XKR4: variants seen among roughly 807,000 people sequenced by gnomAD.
The protein encoded by XKR4 is XK related 4.
Under a neutral mutation model 53.9 loss-of-function variants are expected in XKR4, and 12 were observed. That is an observed-to-expected ratio of 0.22 (90% CI 0.14 to 0.36). The LOEUF is 0.36. Among genes scored for constraint, XKR4 ranks in the 10% least tolerant of loss-of-function variants. XKR4 has a pLI of 1.00. For missense variants in XKR4, 799 were observed against 859.5 expected, an observed-to-expected ratio of 0.93 and a Z score of 0.88; for synonymous variants, 354 against 362.4, an observed-to-expected ratio of 0.98 and a Z score of 0.26.
intron 2 of XKR4, among the ~76,000 whole-genome samples, chr8:55,395,087 A>C (rs2622543): frequency 0.68 from 103,497 of 151,950 alleles, 36,203 homozygotes; most frequent in African/African-American, 0.84. Flanking sequence ...AGGTAATGAG[A>C]CCTCTTGAAT....
At chr8:55,234,835 G>A (rs993027683) in intron 1 of XKR4, among the ~76,000 whole-genome samples, 1 of 152,122 alleles carries the variant, frequency 6.6e-6, no homozygotes, top group Non-Finnish European at 1.5e-5. Context: ...AGGACATAGC[G>A]CAGACCCCTA....
Position 55,337,213 on chromosome 8 carries a change from T to C in XKR4, c.807-20465T>C, listed in dbSNP as rs967128196. Among the ~76,000 whole-genome samples the C allele has an allele frequency of 3.3e-5, 5 of 152,134 alleles. No individual in the cohort carries two copies. The East Asian group carries it at 5.8e-4, about 18-fold the overall frequency. On this transcript the variant is annotated intron_variant, in intron 1 of 2. Transcript: ENST00000327381. ...CCTAGTGTCTCCTACTACCAAAATT[T>C]GCCTTTTATCAGAAAAGAAATTATA...
At chr8:55,197,208 C>A (rs151154202) in intron 1 of XKR4, among the ~76,000 whole-genome samples, 8 of 152,136 alleles carry the variant, frequency 5.3e-5, no homozygotes, top group Non-Finnish European at 1.2e-4. Context: ...GCTCAACAAT[C>A]GTCTCAGCCA....
chr8:55,518,554 A>G (rs752342849), intron 2 of XKR4, among the ~76,000 whole-genome samples: 3 of 152,240 alleles, frequency 2.0e-5, no homozygotes, highest in Non-Finnish European at 4.4e-5. Flanking sequence ...AGTGGGATCC[A>G]TGCTCTTAAG....
chr8:55,477,860 G>C (rs537394270), intron 2 of XKR4, among the ~76,000 whole-genome samples: 1 of 152,036 alleles, frequency 6.6e-6, no homozygotes, highest in Admixed American at 6.6e-5. Flanking sequence ...AGAGAAAAAA[G>C]AATACAAAGA....
intron 1 of XKR4, among the ~76,000 whole-genome samples, chr8:55,139,659 A>C (rs1439630377): frequency 7.1e-6 from 1 of 141,542 alleles, no homozygotes; most frequent in African/African-American, 2.6e-5. Flanking sequence ...AATGTTAAAA[A>C]GAGAATAGTA....
At chr8:55,168,379 A>C (rs1046103196) in intron 1 of XKR4, among the ~76,000 whole-genome samples, 1 of 152,154 alleles carries the variant, frequency 6.6e-6, no homozygotes, top group South Asian at 2.1e-4. Flanking sequence ...TCATCTGTCA[A>C]ATCCTTCATC....
intron 1 of XKR4, among the ~76,000 whole-genome samples, chr8:55,155,937 TAAA>T (rs1816901194): frequency 6.6e-6 from 1 of 152,098 alleles, no homozygotes; most frequent in African/African-American, 2.4e-5. Flanking sequence ...AAGAGCAAAA[TAAA>T]GACACTTTCA....
rs139765256 is a variant in XKR4 at position 55,392,935 on chromosome 8, A to G, written c.1006+35058A>G. On this transcript the variant is annotated intron_variant, in intron 2 of 2. Coordinates refer to ENST00000327381, the MANE Select transcript of XKR4 (RefSeq NM_052898.2). ...ATTAAAAGTTAAGAAGTAAGCATTTATCTTGCCTTTCCTGTAAGCACTGAA... is the reference window on the plus strand; with the variant it reads ...ATTAAAAGTTAAGAAGTAAGCATTTGTCTTGCCTTTCCTGTAAGCACTGAA... 1.2e-4 allele frequency among the ~76,000 whole-genome samples: 18 copies of G among 152,300 alleles called. No homozygotes were observed. In the East Asian group the frequency reaches 3.5e-3, roughly 29 times the overall value.
chr8:55,350,392 GACCCATC>G (rs1338096483), intron 1 of XKR4, among the ~76,000 whole-genome samples: 2 of 152,074 alleles, frequency 1.3e-5, no homozygotes, highest in Non-Finnish European at 2.9e-5. Context: ...TTGTAAGCTG[GACCCATC>G]AAGGAGTTGC....
At chr8:55,114,936 A>T (rs1352021105) in intron 1 of XKR4, among the ~76,000 whole-genome samples, 1 of 152,164 alleles carries the variant, frequency 6.6e-6, no homozygotes, top group Non-Finnish European at 1.5e-5. Flanking sequence ...CAAAAAGTCT[A>T]CTCACTAGGA....
At chr8:55,272,315 T>C (rs1818703219) in intron 1 of XKR4, among the ~76,000 whole-genome samples, 1 of 152,080 alleles carries the variant, frequency 6.6e-6, no homozygotes, top group South Asian at 2.1e-4. Context: ...TAACAAGCAA[T>C]TGGATAATAA....
At chr8:55,475,497 G>A (rs1024664350) in intron 2 of XKR4, among the ~76,000 whole-genome samples, 3 of 151,950 alleles carry the variant, frequency 2.0e-5, no homozygotes, top group African/African-American at 7.3e-5. Context: ...TCTCACTGCA[G>A]CCTCAATCTC....
chr8:55,476,701 C>G (rs10958458), intron 2 of XKR4, among the ~76,000 whole-genome samples: 51,982 of 151,934 alleles, frequency 0.34, 10,809 homozygotes, highest in African/African-American at 0.6. Flanking sequence ...CCTAATACTG[C>G]GCTTTTCCAA....
At chr8:55,262,954 T>G (rs760890422) in intron 1 of XKR4, among the ~76,000 whole-genome samples, 35 of 152,274 alleles carry the variant, frequency 2.3e-4, no homozygotes, top group African/African-American at 6.0e-4. Flanking sequence ...ATAGAAACCC[T>G]GAAGGCAGGG....
chr8:55,453,694 G>A, intron 2 of XKR4: 1 of 400,042 alleles, frequency 2.5e-6, no homozygotes, highest in African/African-American at 2.1e-5. Context: ...ATCTCAGGTG[G>A]CTGCTGTCAC....
intron 1 of XKR4, among the ~76,000 whole-genome samples, chr8:55,172,514 A>G (rs983039616): frequency 6.6e-6 from 1 of 152,216 alleles, no homozygotes; most frequent in Non-Finnish European, 1.5e-5. Flanking sequence ...ATATAAATAC[A>G]TATATACAAT....
intron 1 of XKR4, among the ~76,000 whole-genome samples, chr8:55,170,208 G>A (rs757720960): frequency 4.6e-5 from 7 of 152,124 alleles, no homozygotes; most frequent in Admixed American, 6.6e-5. Context: ...AAATATATTC[G>A]TATCCTAATG....
intron 1 of XKR4, among the ~76,000 whole-genome samples, chr8:55,139,912 A>G (rs1816680659): frequency 1.3e-5 from 2 of 152,234 alleles, no homozygotes; most frequent in Admixed American, 6.5e-5. Flanking sequence ...TTAATTAAAT[A>G]TGTACACCAT....
Sources: allele counts gnomAD v4.1 joint callset (sites outside exome capture counted in the v4.1 genomes callset), GRCh38; gene constraint gnomAD v4.1.1; transcripts MANE v1.5; gene names NCBI Gene and HGNC (gene_info 2026-07-23, HGNC 2026-07-21).